The following EYA4 variants were observed in gnomAD, a reference collection of about 807,000 sequenced individuals.
EYA4 encodes the protein EYA transcriptional coactivator and phosphatase 4.
In EYA4, 31 loss-of-function variants were observed where a neutral mutation model predicts 87.9. The ratio of observed to expected loss-of-function variants is 0.35; its 90% CI spans 0.27 to 0.48. EYA4 has a LOEUF of 0.48. EYA4 is among the 20% of genes least tolerant of loss of function. The pLI is 0.99. For missense variants in EYA4, 678 were observed against 761.4 expected, an observed-to-expected ratio of 0.89 and a Z score of 1.29; for synonymous variants, 263 against 270.6, an observed-to-expected ratio of 0.97 and a Z score of 0.28.
rs17240849 is a variant in EYA4 at position 133,262,285 on chromosome 6, A to C, written c.-65-12431A>C. ...GCAGATTGCTTCTAAGAAAGGCTTC[A>C]AATATATTCTCTTCTGACAGGCTAC... On this transcript the variant is annotated intron_variant, in intron 1 of 19. Coordinates refer to ENST00000355286, the MANE Select transcript of EYA4 (RefSeq NM_004100.5). Among the ~76,000 whole-genome samples the C allele has an allele frequency of 8.3e-3, 1,268 of 152,366 alleles. 10 individuals carry two copies. Among genetic ancestry groups the C allele is most frequent in the Middle Eastern group, 0.017 (5 of 294 alleles).
intron 2 of EYA4, among the ~76,000 whole-genome samples, chr6:133,323,224 A>G (rs1286228300): frequency 6.6e-6 from 1 of 152,004 alleles, no homozygotes; most frequent in East Asian, 1.9e-4. Context: ...TCTTGCCATC[A>G]TGTTGGTCAG....
Position 133,330,418 on chromosome 6 carries a change from T to A in EYA4, c.34-51974T>A, listed in dbSNP as rs1054893087. ...ACAATGAAGTTTTTTGAAGATTTTT[T>A]AAATGAAGCAGTACACTTCTTTATG... On this transcript the variant is annotated intron_variant, in intron 2 of 19. Transcript: ENST00000355286. 4.6e-5 allele frequency among the ~76,000 whole-genome samples: 7 copies of A among 152,164 alleles called. 1 individual carries two copies. Among genetic ancestry groups the A allele is most frequent in the Admixed American group, 3.9e-4 (6 of 15,264 alleles).
At chr6:133,524,945 T>C in intron 18 of EYA4, 1 of 1,334,644 alleles carries the variant, frequency 7.5e-7, no homozygotes, top group Non-Finnish European at 1.1e-6. Flanking sequence ...AGGCATTAAC[T>C]TAACACTTTA....
intron 13 of EYA4, among the ~76,000 whole-genome samples, chr6:133,483,601 C>G (rs1471277694): frequency 6.6e-6 from 1 of 151,782 alleles, no homozygotes; most frequent in Non-Finnish European, 1.5e-5. Flanking sequence ...GTAACACCCC[C>G]TCCCATACAC....
At chr6:133,445,541 C>T (rs1463520408) in intron 3 of EYA4, among the ~76,000 whole-genome samples, 1 of 150,700 alleles carries the variant, frequency 6.6e-6, no homozygotes, top group Non-Finnish European at 1.5e-5. Flanking sequence ...CTTTGGGCTA[C>T]TGCACAGTTC....
intron 2 of EYA4, among the ~76,000 whole-genome samples, chr6:133,323,817 C>G (rs1202380732): frequency 6.6e-6 from 1 of 151,998 alleles, no homozygotes; most frequent in African/African-American, 2.4e-5. Flanking sequence ...GTTATAAATG[C>G]TGAAGAGTCC....
chr6:133,476,307 G>T (rs891233054), intron 11 of EYA4, among the ~76,000 whole-genome samples: 1 of 151,942 alleles, frequency 6.6e-6, no homozygotes, highest in African/African-American at 2.4e-5. Flanking sequence ...ACAATACATT[G>T]TTACTACGTA....
intron 2 of EYA4, among the ~76,000 whole-genome samples, chr6:133,298,834 C>T (rs77165495): frequency 0.02 from 3,008 of 152,258 alleles, 100 homozygotes; most frequent in African/African-American, 0.069. Context: ...TAATTTCATG[C>T]GGTTCATCCT....
intron 14 of EYA4, among the ~76,000 whole-genome samples, chr6:133,512,341 T>A (rs1799226024): frequency 6.6e-6 from 1 of 152,172 alleles, no homozygotes; most frequent in African/African-American, 2.4e-5. Flanking sequence ...TCAGACTAAG[T>A]TTTGTGTATC....
chr6:133,293,631 C>T (rs1778669626), intron 2 of EYA4, among the ~76,000 whole-genome samples: 1 of 152,096 alleles, frequency 6.6e-6, no homozygotes, highest in Non-Finnish European at 1.5e-5. Context: ...CCTTGTAAAA[C>T]ATAAAGTTCT....
intron 2 of EYA4, among the ~76,000 whole-genome samples, chr6:133,284,101 G>T (rs1348719080): frequency 6.6e-6 from 1 of 152,192 alleles, no homozygotes; most frequent in Non-Finnish European, 1.5e-5. Context: ...CATAGAGTAT[G>T]TATTAAAACT....
chr6:133,483,698 G>GTTATTATTATTATTA (rs71545064), intron 13 of EYA4, among the ~76,000 whole-genome samples: 4 of 134,384 alleles, frequency 3.0e-5, no homozygotes, highest in Admixed American at 1.5e-4. Context: ...TTATTTCATT[G>GTTATTATTATTATTA]TTATTATTAT....
At chr6:133,400,033 T>A (rs1221328629) in intron 3 of EYA4, among the ~76,000 whole-genome samples, 3 of 152,208 alleles carry the variant, frequency 2.0e-5, no homozygotes, top group Non-Finnish European at 2.9e-5. Context: ...TCACTTGATT[T>A]TTTTGTTTCT....
At chr6:133,440,178 T>G (rs745827105) in intron 3 of EYA4, among the ~76,000 whole-genome samples, 3 of 152,260 alleles carry the variant, frequency 2.0e-5, no homozygotes, top group Non-Finnish European at 4.4e-5. Flanking sequence ...TATTTCATTC[T>G]TATTACTTCC....
intron 1 of EYA4, among the ~76,000 whole-genome samples, chr6:133,249,957 T>A (rs562670920): frequency 6.6e-6 from 1 of 152,342 alleles, no homozygotes; most frequent in East Asian, 1.9e-4. Context: ...TAATGCACAG[T>A]GCACTGCTGG....
intron 2 of EYA4, among the ~76,000 whole-genome samples, chr6:133,375,156 G>C (rs1034796483): frequency 2.0e-5 from 3 of 151,962 alleles, no homozygotes; most frequent in African/African-American, 7.2e-5. Context: ...AGTTGAGAAA[G>C]TGCATCTCCA....
At chr6:133,321,382 T>C (rs1268419028) in intron 2 of EYA4, among the ~76,000 whole-genome samples, 1 of 152,202 alleles carries the variant, frequency 6.6e-6, no homozygotes, top group Non-Finnish European at 1.5e-5. Context: ...TTTTATTAGA[T>C]AGATGATGGA....
chr6:133,503,843 T>G (rs1025246855), intron 13 of EYA4, among the ~76,000 whole-genome samples: 9 of 152,116 alleles, frequency 5.9e-5, no homozygotes, highest in African/African-American at 2.2e-4. Context: ...GAAAAAAGAA[T>G]TTTATACTTG....
chr6:133,242,278 CT>C lies in EYA4; in HGVS notation c.-66+532del, dbSNP rs538388198. Among the ~76,000 whole-genome samples the C allele has an allele frequency of 4.1e-4, 62 of 152,352 alleles. 1 individual carries two copies. Among genetic ancestry groups the C allele is most frequent in the Admixed American group, 4.0e-3 (62 of 15,310 alleles). The stretch of plus-strand genomic sequence containing the variant: ...TTTCCCGGTGCCGGGTGCGTGTGTA[CT>C]TTAAAGGCTCGCGTTCTAATCTCCA... On this transcript the variant is annotated intron_variant, in intron 1 of 19. Coordinates refer to ENST00000355286, the MANE Select transcript of EYA4 (RefSeq NM_004100.5).
Sources: gnomAD v4.1 joint callset for allele counts (sites outside exome capture counted in the v4.1 genomes callset) on GRCh38, gnomAD v4.1.1 for gene constraint, MANE v1.5 for transcripts, NCBI Gene and HGNC (gene_info 2026-07-23, HGNC 2026-07-21) for gene names.